Variants in RIMBP2 observed in about 807,000 individuals in gnomAD.
RIMBP2 encodes RIMS-binding protein 2.
A neutral mutation model predicts 118.6 loss-of-function variants in RIMBP2; 48 were observed. The ratio of observed to expected loss-of-function variants is 0.40; its 90% CI spans 0.32 to 0.51. RIMBP2 has a LOEUF of 0.51. RIMBP2 is among the 20% of genes least tolerant of loss of function. The pLI, the probability that RIMBP2 is intolerant of heterozygous loss-of-function variation, is 0.41. For synonymous variants in RIMBP2, 762 were observed against 742.9 expected, an observed-to-expected ratio of 1.03 and a Z score of -0.42; for missense variants, 1,551 against 1,768.3, an observed-to-expected ratio of 0.88 and a Z score of 2.20.
In RIMBP2 at chr12:130,670,864, C is replaced by T. The variant is rs1230369812; in HGVS notation, c.-351-42408G>A. The stretch of plus-strand genomic sequence containing the variant: ...TCTCAGCTCACTGCAACCTCTGCCT[C>T]CCAGGTTCAAGCAATTCTCCTACCT... On this transcript the variant is annotated intron_variant, in intron 1 of 22. Transcript: ENST00000690449. This position sits in a 1 kb window ranked among gnomAD's most constrained non-coding sequence, Gnocchi z 4.9. 6.6e-6 allele frequency among the ~76,000 whole-genome samples: 1 copy of T among 152,164 alleles called. No homozygotes were observed. Among genetic ancestry groups the T allele is most frequent in the Non-Finnish European group, 1.5e-5 (1 of 68,030 alleles).
intron 2 of RIMBP2, among the ~76,000 whole-genome samples, chr12:130,543,970 C>T (rs535987725): frequency 6.6e-5 from 10 of 152,256 alleles, no homozygotes; most frequent in African/African-American, 2.4e-4. Context: ...ACCGTTTTAA[C>T]CTGTTTTTGT....
rs567724480 is a variant in RIMBP2 at position 130,396,989 on chromosome 12, C to A, written c.*372G>T. 6.3e-6 allele frequency: 1 copy of A among 159,000 alleles called. No homozygotes were observed. Among genetic ancestry groups the A allele is most frequent in the Admixed American group, 6.5e-5 (1 of 15,492 alleles). The allele number at this position is 159,000 out of a possible 1,614,324, so 9.8% of individuals were successfully genotyped here. A position where few individuals can be genotyped will look rare whatever the true frequency, so the allele number is the denominator to read the frequency against. On this transcript the variant is annotated 3_prime_UTR_variant, in exon 23 of 23. Transcript: ENST00000690449. The stretch of plus-strand genomic sequence containing the variant: ...TGAAAGTTATGCATTATGAGGCAAG[C>A]ATTTTGAGAAGGGAGAAAGGTTGAA...
chr12:130,432,273 T>G, intron 14 of RIMBP2: 1 of 456,646 alleles, frequency 2.2e-6, no homozygotes, highest in South Asian at 1.5e-5. Context: ...TAGGAGACCA[T>G]CTGCGTAATC....
chr12:130,460,603 T>C (rs939291527), intron 6 of RIMBP2, among the ~76,000 whole-genome samples: 7 of 152,120 alleles, frequency 4.6e-5, no homozygotes, highest in African/African-American at 1.4e-4. Context: ...AGCAACAGTA[T>C]CATTATTACT....
chr12:130,465,105 C>T (rs1325198123), intron 6 of RIMBP2: 1 of 152,292 alleles, frequency 6.6e-6, no homozygotes, highest in Non-Finnish European at 1.5e-5. Flanking sequence ...AAAGGCCACA[C>T]AGCCCACAAT....
At chr12:130,444,796 G>A (rs1410735894) in intron 10 of RIMBP2, among the ~76,000 whole-genome samples, 1 of 152,218 alleles carries the variant, frequency 6.6e-6, no homozygotes, top group Non-Finnish European at 1.5e-5. Flanking sequence ...CAGAGAGGGT[G>A]CCTCTGGGAG....
At chr12:130,697,536 A>C (rs1461287597) in intron 1 of RIMBP2, among the ~76,000 whole-genome samples, 1 of 152,134 alleles carries the variant, frequency 6.6e-6, no homozygotes, top group Non-Finnish European at 1.5e-5. Flanking sequence ...AAAAAATCAT[A>C]ATAATTGTGG....
At chr12:130,443,620 G>A (rs1328983899) in intron 10 of RIMBP2, among the ~76,000 whole-genome samples, 1 of 152,234 alleles carries the variant, frequency 6.6e-6, no homozygotes, top group Non-Finnish European at 1.5e-5. Flanking sequence ...AGTCCTGGAT[G>A]CTAATAAAAT....
intron 2 of RIMBP2, among the ~76,000 whole-genome samples, chr12:130,560,489 C>T (rs933675252): frequency 1.3e-5 from 2 of 152,288 alleles, no homozygotes; most frequent in African/African-American, 4.8e-5. Flanking sequence ...CCCAAAATGT[C>T]TCCAGACATT....
At chr12:130,462,020 T>C (rs190290263) in intron 6 of RIMBP2, among the ~76,000 whole-genome samples, 7 of 152,364 alleles carry the variant, frequency 4.6e-5, no homozygotes, top group African/African-American at 1.4e-4. Context: ...CAGCCTGGGC[T>C]GACAGGCATG....
In RIMBP2 at chr12:130,407,783, T is replaced by G. The variant is rs1330759806; in HGVS notation, c.3636A>C (p.Arg1212Ser). The G allele has an allele frequency of 6.2e-7, 1 of 1,613,950 alleles. No individual in the cohort carries two copies. The highest frequency in any genetic ancestry group is 8.5e-7 in the Non-Finnish European group (1 of 1,180,006). ...SGRRHSVSTR[R>S]MVALYDYDPR... ...GGTCGTAGTCATACAGGGCCACCAT[T>G]CTCCGCGTCGATACCGAATGACGCC... is the stretch of plus-strand genomic sequence containing the variant. The change falls in exon 20 of 23, where the codon AGA (arginine) becomes AGC (serine). Residue 1212 changes from arginine to serine, a missense_variant. By Grantham distance (110) the Arg-to-Ser change is moderately radical. Around this residue, in one of 5 missense-constraint regions of RIMBP2, gnomAD observed 1,038 missense variants for 1,125.1 expected, o/e 0.92. Coordinates refer to ENST00000690449, the MANE Select transcript of RIMBP2 (RefSeq NM_001393629.1).
At chr12:130,557,937 G>A (rs1042049445) in intron 2 of RIMBP2, among the ~76,000 whole-genome samples, 30 of 152,116 alleles carry the variant, frequency 2.0e-4, no homozygotes, top group Middle Eastern at 3.4e-3. Flanking sequence ...TGGCTCCTGC[G>A]ACCCCGGTTC....
intron 1 of RIMBP2, among the ~76,000 whole-genome samples, chr12:130,700,808 T>C (rs966584065): frequency 3.9e-5 from 6 of 152,172 alleles, no homozygotes; most frequent in Admixed American, 3.9e-4. Context: ...ATTCCAAACG[T>C]TCCATCACAC....
chr12:130,601,314 G>A (rs1007064547), intron 2 of RIMBP2, among the ~76,000 whole-genome samples: 1 of 123,164 alleles, frequency 8.1e-6, no homozygotes, highest in Admixed American at 1.1e-4. Context: ...CCACCCTGGG[G>A]ATGGGGTCAA....
rs1417767336 is a variant in RIMBP2, at chr12:130,623,911, GC to G, written c.-217+4410del. 4.6e-5 allele frequency among the ~76,000 whole-genome samples: 7 copies of G among 152,168 alleles called. No individual in the cohort carries two copies. The highest frequency in any genetic ancestry group is 6.5e-5 in the Admixed American group (1 of 15,274). On this transcript the variant is annotated intron_variant, in intron 2 of 22. Coordinates refer to ENST00000690449, the MANE Select transcript of RIMBP2 (RefSeq NM_001393629.1). This position sits in a 1 kb window ranked among gnomAD's most constrained non-coding sequence, Gnocchi z 4.1. Reference sequence around the variant, plus strand: ...GATTGAGTCCCCATCACCCACAGTGGCAACTGGCTGGATAACACACACCCAT... The same window carrying G: ...GATTGAGTCCCCATCACCCACAGTGGAACTGGCTGGATAACACACACCCAT...
Position 130,703,468 on chromosome 12 carries a change from C to T in RIMBP2, c.-352+12754G>A, listed in dbSNP as rs2065954858. On this transcript the variant is annotated intron_variant, in intron 1 of 22. Transcript: ENST00000690449. This position sits in a 1 kb window ranked among gnomAD's most constrained non-coding sequence, Gnocchi z 5.7. ...TTTTTAAAAGCGTGGCACGGGCACT[C>T]CCTCGGCCACCCGCCTGCCCTCCCC... 6.6e-6 allele frequency among the ~76,000 whole-genome samples: 1 copy of T among 152,208 alleles called. No individual in the cohort carries two copies. The highest frequency in any genetic ancestry group is 6.5e-5 in the Admixed American group (1 of 15,286).
At chr12:130,675,232 G>T (rs1016196514) in intron 1 of RIMBP2, among the ~76,000 whole-genome samples, 1 of 152,194 alleles carries the variant, frequency 6.6e-6, no homozygotes, top group Admixed American at 6.5e-5. Flanking sequence ...GGGTTTGTCC[G>T]CAGGCCTTCG....
intron 2 of RIMBP2, among the ~76,000 whole-genome samples, chr12:130,530,049 C>T (rs1593667805): frequency 6.6e-6 from 1 of 152,172 alleles, no homozygotes; most frequent in Non-Finnish European, 1.5e-5. Context: ...TATATCCCAA[C>T]AGTATGTTTC....
chr12:130,686,278 G>A (rs912993972), intron 1 of RIMBP2, among the ~76,000 whole-genome samples: 2 of 152,200 alleles, frequency 1.3e-5, no homozygotes, highest in Non-Finnish European at 2.9e-5. Context: ...TGGTCACTCA[G>A]GAGGACAATG....
Sources: allele counts gnomAD v4.1 joint callset (sites outside exome capture counted in the v4.1 genomes callset), GRCh38; gene constraint gnomAD v4.1.1; regional missense constraint gnomAD v4.1.1; non-coding constraint Gnocchi (gnomAD v3.1); transcripts MANE v1.5; gene names NCBI Gene and HGNC (gene_info 2026-07-23, HGNC 2026-07-21).